The following RIC8B variants were observed in gnomAD, a reference collection of about 807,000 sequenced individuals.
The protein encoded by RIC8B is RIC8 guanine nucleotide exchange factor B.
Under a neutral mutation model 57.5 loss-of-function variants are expected in RIC8B, and 16 were observed. That is an observed-to-expected ratio of 0.28 (90% confidence interval 0.19 to 0.42). The LOEUF (loss-of-function observed/expected upper bound fraction) is 0.42. Among genes scored for constraint, RIC8B ranks in the 10% least tolerant of loss-of-function variants. The probability of loss-of-function intolerance (pLI) is 1.00; values close to 1 mark genes in which losing one functional copy is unlikely to be tolerated. For missense variants in RIC8B, 481 were observed against 677.0 expected, an observed-to-expected ratio of 0.71 and a Z score of 3.21; for synonymous variants, 216 against 250.8, an observed-to-expected ratio of 0.86 and a Z score of 1.31.
At chr12:106,823,842 T>G (rs1488104031) in intron 3 of RIC8B, among the ~76,000 whole-genome samples, 1 of 152,024 alleles carries the variant, frequency 6.6e-6, no homozygotes, top group East Asian at 1.9e-4. Context: ...TGCACCACCA[T>G]GCCCAGCTAA....
Position 106,842,649 on chromosome 12 carries a change from G to A in RIC8B, c.897G>A (p.Pro299=), listed in dbSNP as rs1057240635. ...CTTGTTTGGATGTTCTCATTTGTCC[G>A]TTAACCCATGAAGAAACAGCCCAAG... ...PVSCLDVLIC[P]LTHEETAQEA... Residue 299 remains proline, a synonymous_variant, in exon 5 of 10, where the codon CCG becomes CCA. Coordinates refer to ENST00000392837, the MANE Select transcript of RIC8B (RefSeq NM_001330145.2). 1.1e-5 allele frequency: 18 copies of A among 1,606,816 alleles called. No homozygotes were observed. In the Middle Eastern group the frequency reaches 6.6e-4, roughly 59 times the overall value.
chr12:106,825,803 A>C lies in RIC8B; in HGVS notation c.819A>C (p.Lys273Asn). 1 of 1,611,944 alleles carries C rather than the reference A, an allele frequency of 6.2e-7. No individual in the cohort carries two copies. The highest frequency in any genetic ancestry group is 8.5e-7 in the Non-Finnish European group (1 of 1,178,024). ...CLLIVGPTEDKTEELHSNAVN... is the reference protein window; with the variant it reads ...CLLIVGPTEDNTEELHSNAVN... ...TAATCGTAGGTCCAACTGAAGACAA[A>C]ACAGAAGAGCTACACAGGTGGGTAA... Residue 273 changes from lysine (K) to asparagine (N), a missense_variant, in exon 4 of 10, where the codon AAA becomes AAC. Physicochemically the swap from Lys to Asn is moderately conservative, Grantham distance 94. Coordinates refer to ENST00000392837, the MANE Select transcript of RIC8B (RefSeq NM_001330145.2).
At chr12:106,806,768 T>A (rs995043238) in intron 2 of RIC8B, among the ~76,000 whole-genome samples, 3 of 152,100 alleles carry the variant, frequency 2.0e-5, no homozygotes, top group Non-Finnish European at 2.9e-5. Flanking sequence ...AGGCGGAGAT[T>A]GCACGCGCCA....
At chr12:106,775,001 A>G in intron 1 of RIC8B, 172 bp downstream of exon 1, 2 of 595,132 alleles carry the variant, frequency 3.4e-6, no homozygotes, top group South Asian at 2.0e-5. Context: ...CCATCCATGC[A>G]TCCTGCATCC....
intron 6 of RIC8B, among the ~76,000 whole-genome samples, chr12:106,848,093 T>C (rs1396948211): frequency 6.6e-6 from 1 of 152,142 alleles, no homozygotes; most frequent in Non-Finnish European, 1.5e-5. Context: ...GTTAGTGATA[T>C]GGAGTGGTCA....
chr12:106,830,930 A>G (rs1422332078), intron 4 of RIC8B, among the ~76,000 whole-genome samples: 1 of 152,190 alleles, frequency 6.6e-6, no homozygotes, highest in Non-Finnish European at 1.5e-5. Flanking sequence ...AATAATTGCT[A>G]ATAGAATTCA....
In RIC8B at chr12:106,842,714, C is replaced by T; in HGVS notation, c.962C>T (p.Ala321Val). 6.2e-7 allele frequency: 1 copy of T among 1,613,692 alleles called. No individual in the cohort carries two copies. Among genetic ancestry groups the T allele is most frequent in the South Asian group, 1.1e-5 (1 of 91,064 alleles). ...GATGAACTGCCCAGTAATAAAACAG[C>T]TGAGAAAGAAACAGTTTTGAAAAAC... ...TLDELPSNKT[A>V]EKETVLKNNT... Residue 321 changes from alanine (A) to valine (V), a missense_variant, in exon 5 of 10, where the codon GCT becomes GTT. Physicochemically the swap from Ala to Val is moderately conservative, Grantham distance 64 (BLOSUM62 0). Around this residue, in one of 3 missense-constraint regions of RIC8B, gnomAD observed 421 missense variants for 560.9 expected, o/e 0.75. Transcript: ENST00000392837.
At chr12:106,810,538 G>T (rs763385993) in intron 2 of RIC8B, among the ~76,000 whole-genome samples, 18 of 152,260 alleles carry the variant, frequency 1.2e-4, no homozygotes, top group South Asian at 8.3e-4. Flanking sequence ...AGAATGTTGA[G>T]GGCTGAAGTG....
chr12:106,825,090 A>C (rs951348598), intron 3 of RIC8B, among the ~76,000 whole-genome samples: 2 of 152,204 alleles, frequency 1.3e-5, no homozygotes, highest in African/African-American at 4.8e-5. Flanking sequence ...AAGCAGGTGT[A>C]ATGGCCCAAG....
At chr12:106,799,656 G>A (rs1010008395) in intron 2 of RIC8B, among the ~76,000 whole-genome samples, 3 of 152,062 alleles carry the variant, frequency 2.0e-5, no homozygotes, top group African/African-American at 7.2e-5. Flanking sequence ...TACAAATAAG[G>A]AAATTTAGTT....
Position 106,879,570 on chromosome 12 carries a change from G to A in RIC8B, c.1572-6334G>A. 3.0e-6 allele frequency: 3 copies of A among 985,150 alleles called. 1 individual carries two copies. The South Asian group carries it at 1.4e-4, about 46-fold the overall frequency. The allele number at this position is 985,150 out of a possible 1,614,324, so 61.0% of individuals were successfully genotyped here. A position where few individuals can be genotyped will look rare whatever the true frequency, so the allele number is the denominator to read the frequency against. ...CAGACCAGAATATTTTAAATATGGT[G>A]TAAATTCCGTATCTCCCATCCCTAG... On this transcript the variant is annotated intron_variant, in intron 9 of 9. Coordinates refer to ENST00000392837, the MANE Select transcript of RIC8B (RefSeq NM_001330145.2). The surrounding 1 kb of genome is among the most constrained non-coding windows in gnomAD (Gnocchi z 4.9).
chr12:106,838,173 T>C (rs2046704493), intron 4 of RIC8B, among the ~76,000 whole-genome samples: 1 of 152,026 alleles, frequency 6.6e-6, no homozygotes, highest in Non-Finnish European at 1.5e-5. Flanking sequence ...AGTCCAGAAA[T>C]AAACTCATGC....
intron 2 of RIC8B, among the ~76,000 whole-genome samples, chr12:106,792,027 C>T (rs115744602): frequency 6.6e-6 from 1 of 152,128 alleles, no homozygotes; most frequent in Non-Finnish European, 1.5e-5. Context: ...GGTGTCTTTG[C>T]TTGAGGGAAT....
chr12:106,873,735 A>G (rs1282278281), intron 9 of RIC8B, among the ~76,000 whole-genome samples: 3 of 152,214 alleles, frequency 2.0e-5, no homozygotes, highest in African/African-American at 7.2e-5. Context: ...GGAAATAATG[A>G]CAAAATGAGT....
At chr12:106,874,619 T>C in intron 9 of RIC8B, 2 of 1,317,854 alleles carry the variant, frequency 1.5e-6, no homozygotes, top group Non-Finnish European at 2.1e-6. Context: ...ATAGATGTTA[T>C]TCACTACCAA....
chr12:106,851,315 CTTTTTTTTTTTTTT>C (rs34606963), intron 6 of RIC8B, 121 bp from the exon 7 acceptor site: 1 of 208,016 alleles, frequency 4.8e-6, no homozygotes, highest in African/African-American at 4.3e-5. Flanking sequence ...GGAAGCTAAC[CTTTTTTTTTTTTTT>C]TTTTTTTGCT....
intron 9 of RIC8B, among the ~76,000 whole-genome samples, chr12:106,877,935 C>T (rs562182466): frequency 1.3e-5 from 2 of 152,240 alleles, no homozygotes; most frequent in South Asian, 2.1e-4. Context: ...CTGGTTTAGA[C>T]AATTCCCAAT....
chr12:106,823,985 T>G (rs1283021122), intron 3 of RIC8B, among the ~76,000 whole-genome samples: 3 of 152,100 alleles, frequency 2.0e-5, no homozygotes, highest in Non-Finnish European at 4.4e-5. Context: ...GGCACCCGAC[T>G]CGTATGAGAG....
At chr12:106,856,929 C>A (rs1382839502) in intron 7 of RIC8B, among the ~76,000 whole-genome samples, 1 of 152,106 alleles carries the variant, frequency 6.6e-6, no homozygotes, top group Non-Finnish European at 1.5e-5. Flanking sequence ...AGAGGGAATG[C>A]TTGGGCGGTG....
Sources: gnomAD v4.1 joint callset for allele counts (sites outside exome capture counted in the v4.1 genomes callset) on GRCh38, gnomAD v4.1.1 for gene constraint, gnomAD v4.1.1 regional missense constraint, Gnocchi (gnomAD v3.1) non-coding constraint, MANE v1.5 for transcripts, NCBI Gene and HGNC (gene_info 2026-07-23, HGNC 2026-07-21) for gene names.